Variants in CLEC17A observed in about 807,000 individuals in gnomAD.
CLEC17A encodes the protein C-type lectin domain family 17, member A.
CLEC17A carries 37 observed loss-of-function variants against 61.3 expected under a neutral mutation model. That is an observed-to-expected ratio of 0.60 (90% CI 0.46 to 0.79). CLEC17A has a LOEUF of 0.79. CLEC17A is among the 30% of genes least tolerant of loss of function. CLEC17A has a pLI of 0.00. For synonymous variants in CLEC17A, 168 were observed against 164.9 expected (o/e 1.02, Z -0.14); for missense variants, 418 against 464.7 (o/e 0.90, Z 0.92).
At chr19:14,607,320 C>T (rs1051212324) in intron 13 of CLEC17A, among the ~76,000 whole-genome samples, 1 of 151,778 alleles carries the variant, frequency 6.6e-6, no homozygotes, top group Non-Finnish European at 1.5e-5. Context: ...TTCTCTGCCT[C>T]AGCCTCCCGA....
At position 14,599,720 on chromosome 19, in the gene CLEC17A, C is replaced by T; in HGVS notation, c.650C>T (p.Thr217Ile). Residue 217 changes from threonine to isoleucine, a missense_variant, in exon 11 of 14, where the codon ACT becomes ATT. By Grantham distance (89) the Thr-to-Ile change is moderately conservative. Coordinates refer to ENST00000417570, the MANE Select transcript of CLEC17A (RefSeq NM_001204118.2). ...FQQMTWRTNMTGMAGLAGLKH... is the reference protein window; with the variant it reads ...FQQMTWRTNMIGMAGLAGLKH... ...TCAAGCCCATCCCTTCTGACAGTGACTGGCATGGCAGGGCTAGCTGGCCTG... is the reference window on the plus strand; with the variant it reads ...TCAAGCCCATCCCTTCTGACAGTGATTGGCATGGCAGGGCTAGCTGGCCTG... 6.2e-7 allele frequency: 1 copy of T among 1,613,126 alleles called. No homozygotes were observed. Among genetic ancestry groups the T allele is most frequent in the Non-Finnish European group, 8.5e-7 (1 of 1,179,172 alleles).
At chr19:14,603,134 C>T (rs2074765092) in intron 12 of CLEC17A, among the ~76,000 whole-genome samples, 1 of 152,180 alleles carries the variant, frequency 6.6e-6, no homozygotes, top group African/African-American at 2.4e-5. Context: ...ACTACATTTC[C>T]TTTAAATTAC....
At chr19:14,595,369 C>G (rs2074518971) in intron 8 of CLEC17A, 54 bp downstream of exon 8, 1 of 1,590,832 alleles carries the variant, frequency 6.3e-7, no homozygotes, top group African/African-American at 1.3e-5. Context: ...TGATTGAGAC[C>G]TATGGCTCTA....
At chr19:14,610,026 A>G (rs748471703) in intron 13 of CLEC17A, 38 bp from the exon 14 acceptor site, 8 of 1,497,446 alleles carry the variant, frequency 5.3e-6, no homozygotes, top group Non-Finnish European at 6.5e-6. Flanking sequence ...ACCACCCTAA[A>G]GATCCCTGTC....
chr19:14,605,276 A>C (rs2074831011), intron 12 of CLEC17A, among the ~76,000 whole-genome samples: 1 of 151,644 alleles, frequency 6.6e-6, no homozygotes, highest in Admixed American at 6.6e-5. Flanking sequence ...TTGTATTTTT[A>C]GTAGAGATGG....
intron 2 of CLEC17A, 65 bp downstream of exon 2, chr19:14,583,499 G>T (rs2074214962): frequency 3.8e-6 from 6 of 1,600,002 alleles, no homozygotes; most frequent in Non-Finnish European, 5.1e-6. Flanking sequence ...GTGGGCATTG[G>T]TTGGGCATTG....
At chr19:14,593,483 T>C (rs143519899) in intron 4 of CLEC17A, among the ~76,000 whole-genome samples, 1 of 151,696 alleles carries the variant, frequency 6.6e-6, no homozygotes, top group South Asian at 2.1e-4. Context: ...CCCAGCTATA[T>C]GAAAACATTT....
At chr19:14,601,331 G>A (rs534312817) in intron 12 of CLEC17A, among the ~76,000 whole-genome samples, 3 of 152,258 alleles carry the variant, frequency 2.0e-5, no homozygotes, top group African/African-American at 7.2e-5. Context: ...ACATGTACAC[G>A]CCTATCTTTT....
At chr19:14,603,717 T>C (rs987433498) in intron 12 of CLEC17A, among the ~76,000 whole-genome samples, 17 of 152,054 alleles carry the variant, frequency 1.1e-4, no homozygotes, top group African/African-American at 3.9e-4. Flanking sequence ...CTGCTCCCCT[T>C]GACCTCCCGA....
At chr19:14,602,540 G>A (rs77511059) in intron 12 of CLEC17A, among the ~76,000 whole-genome samples, 1,846 of 151,454 alleles carry the variant, frequency 0.012, 36 homozygotes, top group African/African-American at 0.042. Flanking sequence ...GTGATCTGCC[G>A]CCTTCACCTC....
chr19:14,593,992 C>A (rs564447744), intron 4 of CLEC17A, among the ~76,000 whole-genome samples: 8,036 of 133,296 alleles, frequency 0.06, 717 homozygotes, highest in African/African-American at 0.28. Context: ...AACAAACAAA[C>A]AAAAACATGG....
chr19:14,608,493 A>C (rs998503832), intron 13 of CLEC17A, among the ~76,000 whole-genome samples: 8 of 152,126 alleles, frequency 5.3e-5, no homozygotes, highest in African/African-American at 1.9e-4. Context: ...TTTTGGTGAC[A>C]GGCTGTCTGG....
In CLEC17A at chr19:14,607,065, G is replaced by A; in HGVS notation, c.967G>A (p.Asp323Asn). The A allele has an allele frequency of 1.5e-6, 2 of 1,347,588 alleles. No individual in the cohort carries two copies. Among genetic ancestry groups the A allele is most frequent in the Non-Finnish European group, 1.9e-6 (2 of 1,042,260 alleles). The allele number at this position is 1,347,588 out of a possible 1,614,324, so 83.5% of individuals were successfully genotyped here. The change falls in exon 13 of 14, where the codon GAC (aspartate) becomes AAC (asparagine). Residue 323 changes from aspartate (D) to asparagine (N), a missense_variant. By Grantham distance (23) the Asp-to-Asn change is conservative (BLOSUM62 1). Coordinates refer to ENST00000417570, the MANE Select transcript of CLEC17A (RefSeq NM_001204118.2). ...LGLNDRAQEG[D>N]WRWLDGSPVT... ...GCTGAATGACAGGGCCCAGGAAGGG[G>A]ACTGGAGGTGGCTGGATGGGTCTCC... is the stretch of plus-strand genomic sequence containing the variant.
intron 12 of CLEC17A, among the ~76,000 whole-genome samples, chr19:14,600,592 T>C (rs1193253804): frequency 1.3e-5 from 2 of 152,114 alleles, no homozygotes; most frequent in East Asian, 1.9e-4. Context: ...CTTTTCTTTT[T>C]TTTTTTTGAG....
At chr19:14,599,045 G>A (rs1013391003) in intron 10 of CLEC17A, among the ~76,000 whole-genome samples, 1 of 141,212 alleles carries the variant, frequency 7.1e-6, no homozygotes, top group Non-Finnish European at 1.5e-5. Context: ...AGGCTTTGCC[G>A]CCTCACCACA....
chr19:14,596,319 T>A (rs1484496313), intron 8 of CLEC17A, among the ~76,000 whole-genome samples: 1 of 152,056 alleles, frequency 6.6e-6, no homozygotes, highest in Non-Finnish European at 1.5e-5. Context: ...ATCATAAGGA[T>A]GAGACTCCAA....
At chr19:14,606,837 A>G (rs2074889589) in intron 12 of CLEC17A, among the ~76,000 whole-genome samples, 156 bp from the exon 13 acceptor site, 1 of 152,118 alleles carries the variant, frequency 6.6e-6, no homozygotes, top group South Asian at 2.1e-4. Flanking sequence ...CAGTGGGAGG[A>G]AGACATTGAT....
chr19:14,600,807 T>C (rs1412085535), intron 12 of CLEC17A, among the ~76,000 whole-genome samples: 1 of 151,568 alleles, frequency 6.6e-6, no homozygotes, highest in Admixed American at 6.6e-5. Context: ...GGATGGATGG[T>C]CTTGATCTCC....
At chr19:14,591,898 ATGTGTGTGTGTGTGTGTG>A (rs747656450) in intron 3 of CLEC17A, among the ~76,000 whole-genome samples, 78 of 139,030 alleles carry the variant, frequency 5.6e-4, no homozygotes, top group African/African-American at 2.0e-3. Flanking sequence ...CCGGAGAAAA[ATGTGTGTGTGTGTGTGTG>A]TGTGTGTGTG....
Sources: gnomAD v4.1 joint callset for allele counts (sites outside exome capture counted in the v4.1 genomes callset) on GRCh38, gnomAD v4.1.1 for gene constraint, MANE v1.5 for transcripts, NCBI Gene and HGNC (gene_info 2026-07-23, HGNC 2026-07-21) for gene names.